NEO1: variants seen among roughly 807,000 people sequenced by gnomAD.
NEO1 encodes neogenin.
Under a neutral mutation model 159.7 loss-of-function variants are expected in NEO1, and 63 were observed. The ratio of observed to expected loss-of-function variants is 0.39; its 90% confidence interval spans 0.32 to 0.49. The LOEUF is 0.49. Ranked by LOEUF, NEO1 falls within the 20% of genes least tolerant of loss-of-function variation. The pLI is 0.85. For synonymous variants in NEO1, 633 were observed against 662.0 expected (o/e 0.96, Z 0.67); for missense variants, 1,615 against 1,831.0 (o/e 0.88, Z 2.15).
intron 1 of NEO1, among the ~76,000 whole-genome samples, chr15:73,084,684 A>G (rs1252517983): frequency 6.6e-6 from 1 of 152,140 alleles, no homozygotes; most frequent in African/African-American, 2.4e-5. Flanking sequence ...TTGCTGGATC[A>G]TAGGGAAGTT....
At chr15:73,173,410 A>G (rs1310307791) in intron 5 of NEO1, among the ~76,000 whole-genome samples, 1 of 152,218 alleles carries the variant, frequency 6.6e-6, no homozygotes, top group Non-Finnish European at 1.5e-5. Context: ...GTGTCCTGAA[A>G]TAAACCCCCA....
intron 8 of NEO1, among the ~76,000 whole-genome samples, chr15:73,243,467 AG>A (rs1270727544): frequency 6.6e-6 from 1 of 152,230 alleles, no homozygotes; most frequent in African/African-American, 2.4e-5. Flanking sequence ...CATGAATGAC[AG>A]TTCCTAAAAG....
chr15:73,160,447 G>T (rs1315346245), intron 5 of NEO1, among the ~76,000 whole-genome samples: 1 of 152,030 alleles, frequency 6.6e-6, no homozygotes, highest in African/African-American at 2.4e-5. Context: ...TTTCCATGTA[G>T]AGATATGGCA....
intron 1 of NEO1, among the ~76,000 whole-genome samples, chr15:73,078,206 C>T (rs1379835776): frequency 6.6e-6 from 1 of 152,006 alleles, no homozygotes; most frequent in Non-Finnish European, 1.5e-5. Context: ...CATTGTTCTT[C>T]TAATCTAGTA....
chr15:73,256,883 G>A (rs964583465), intron 13 of NEO1, among the ~76,000 whole-genome samples: 8 of 152,018 alleles, frequency 5.3e-5, no homozygotes, highest in African/African-American at 1.9e-4. Context: ...GAGCCCAAGA[G>A]TTTGAGACCA....
At chr15:73,165,742 C>T (rs1220248975) in intron 5 of NEO1, among the ~76,000 whole-genome samples, 3 of 152,034 alleles carry the variant, frequency 2.0e-5, no homozygotes, top group Non-Finnish European at 4.4e-5. Context: ...GAGAGAGGAC[C>T]CAGAAGAGGA....
chr15:73,166,818 G>T (rs1567363892), intron 5 of NEO1, among the ~76,000 whole-genome samples: 1 of 152,100 alleles, frequency 6.6e-6, no homozygotes, highest in African/African-American at 2.4e-5. Context: ...TACCTGATGT[G>T]TACATGCCAA....
At chr15:73,157,915 T>A (rs973397570) in intron 5 of NEO1, among the ~76,000 whole-genome samples, 4 of 150,772 alleles carry the variant, frequency 2.7e-5, no homozygotes, top group South Asian at 4.2e-4. Flanking sequence ...ATTGTTCTTT[T>A]AAAAAAAAAA....
intron 5 of NEO1, among the ~76,000 whole-genome samples, chr15:73,162,529 G>A (rs1471550487): frequency 3.3e-5 from 5 of 151,864 alleles, no homozygotes; most frequent in African/African-American, 9.7e-5. Flanking sequence ...AGTAGCTGGG[G>A]TTATAGGTGT....
chr15:73,244,524 A>G (rs773193733), intron 9 of NEO1, 26 bp downstream of exon 9: 14 of 1,609,478 alleles, frequency 8.7e-6, no homozygotes, highest in Non-Finnish European at 8.5e-7. Context: ...GTCTGTCAGC[A>G]CCCCCTAGAG....
At chr15:73,169,969 A>T (rs1457383897) in intron 5 of NEO1, among the ~76,000 whole-genome samples, 1 of 152,058 alleles carries the variant, frequency 6.6e-6, no homozygotes, top group African/African-American at 2.4e-5. Flanking sequence ...CAGGGTTAGA[A>T]GGTAGGTAGG....
intron 22 of NEO1, among the ~76,000 whole-genome samples, chr15:73,280,927 C>T (rs1056601430): frequency 7.2e-5 from 11 of 151,814 alleles, no homozygotes; most frequent in Admixed American, 2.0e-4. Flanking sequence ...AAATTTGGGC[C>T]GGGCGCAGTG....
chr15:73,219,865 G>T (rs1177485510), intron 7 of NEO1, among the ~76,000 whole-genome samples: 1 of 150,194 alleles, frequency 6.7e-6, no homozygotes, highest in African/African-American at 2.5e-5. Context: ...GATGGGTCTT[G>T]ACTCTTTATC....
chr15:73,201,457 G>A (rs74025267), intron 7 of NEO1, among the ~76,000 whole-genome samples: 2,057 of 151,914 alleles, frequency 0.014, 37 homozygotes, highest in African/African-American at 0.047. Flanking sequence ...ATTTAAATGC[G>A]TTAAAGTATA....
At chr15:73,132,636 T>C (rs1214870187) in intron 4 of NEO1, among the ~76,000 whole-genome samples, 1 of 152,008 alleles carries the variant, frequency 6.6e-6, no homozygotes, top group African/African-American at 2.4e-5. Context: ...AATCTATACA[T>C]CTGACAAAGG....
intron 5 of NEO1, among the ~76,000 whole-genome samples, chr15:73,167,164 T>A (rs1443438016): frequency 6.7e-6 from 1 of 148,358 alleles, no homozygotes; most frequent in Admixed American, 6.7e-5. Flanking sequence ...TTAGGAGATA[T>A]ACCTAATGTA....
chr15:73,202,475 C>T lies in NEO1; in HGVS notation c.1291+24048C>T, dbSNP rs7183431. 8.6e-3 allele frequency among the ~76,000 whole-genome samples: 1,303 copies of T among 152,242 alleles called. 22 individuals carry two copies. Among genetic ancestry groups the T allele is most frequent in the African/African-American group, 0.03 (1,231 of 41,544 alleles). On this transcript the variant is annotated intron_variant, in intron 7 of 28. Coordinates refer to ENST00000261908, the MANE Select transcript of NEO1 (RefSeq NM_002499.4). ...GGGGCATAAGAGGAGCATCTGTTAT[C>T]TGCTTTCAATCCATTGCCCCTTTGT...
chr15:73,199,514 C>G (rs924131446), intron 7 of NEO1, among the ~76,000 whole-genome samples: 1 of 152,114 alleles, frequency 6.6e-6, no homozygotes, highest in Non-Finnish European at 1.5e-5. Context: ...AATTGTCCAT[C>G]CTTCCCCATT....
intron 1 of NEO1, among the ~76,000 whole-genome samples, chr15:73,069,394 C>T (rs1369012678): frequency 6.6e-6 from 1 of 151,650 alleles, no homozygotes; most frequent in Non-Finnish European, 1.5e-5. Flanking sequence ...GCAGAGATAC[C>T]TTTCTCTGAG....
Sources: gnomAD v4.1 joint callset for allele counts (sites outside exome capture counted in the v4.1 genomes callset) on GRCh38, gnomAD v4.1.1 for gene constraint, MANE v1.5 for transcripts, NCBI Gene and HGNC (gene_info 2026-07-23, HGNC 2026-07-21) for gene names.